DLGAP2: variants seen among roughly 807,000 people sequenced by gnomAD.
DLGAP2 encodes DLG associated protein 2.
In DLGAP2, 26 loss-of-function variants were observed where a neutral mutation model predicts 100.3. That is an observed-to-expected ratio of 0.26 (90% confidence interval 0.19 to 0.36). The LOEUF is 0.36. Ranked by LOEUF, DLGAP2 falls within the 10% of genes least tolerant of loss-of-function variation. The probability of loss-of-function intolerance (pLI) is 1.00; values close to 1 mark genes in which losing one functional copy is unlikely to be tolerated. For missense variants in DLGAP2, 1,858 were observed against 1,453.2 expected (o/e 1.28, Z -4.53); for synonymous variants, 886 against 630.1 (o/e 1.41, Z -6.08).
intron 3 of DLGAP2, among the ~76,000 whole-genome samples, chr8:1,323,200 T>C (rs1403924883): frequency 6.6e-6 from 1 of 151,990 alleles, no homozygotes; most frequent in Non-Finnish European, 1.5e-5. Context: ...CGGCTTACTT[T>C]TTGTATTTTA....
intron 3 of DLGAP2, among the ~76,000 whole-genome samples, chr8:1,289,090 C>T (rs1344283380): frequency 1.3e-5 from 2 of 152,172 alleles, no homozygotes; most frequent in Non-Finnish European, 2.9e-5. Flanking sequence ...ACTGGCAATG[C>T]TGATGTACTC....
intron 6 of DLGAP2, among the ~76,000 whole-genome samples, chr8:1,623,575 C>G (rs1357744383): frequency 1.3e-5 from 2 of 151,612 alleles, no homozygotes; most frequent in Non-Finnish European, 2.9e-5. Flanking sequence ...TGCGTGATGA[C>G]CTGACACCAG....
In DLGAP2 at chr8:1,439,662, A is replaced by G. The variant is rs371205112; in HGVS notation, c.107-61704A>G. Among the ~76,000 whole-genome samples, 14 of 152,294 alleles carry G rather than the reference A, an allele frequency of 9.2e-5. No homozygotes were observed. In the East Asian group the frequency reaches 1.2e-3, roughly 13 times the overall value. ...GAGTGCGCAGAGAGACAGGGTCTCG[A>G]AACTGAAACGGCAACGTGAGCAGTA... On this transcript the variant is annotated intron_variant, in intron 3 of 14. Coordinates refer to ENST00000637795, the MANE Select transcript of DLGAP2 (RefSeq NM_001346810.2).
chr8:1,171,921 T>A (rs1381474403), intron 2 of DLGAP2, among the ~76,000 whole-genome samples: 1 of 152,216 alleles, frequency 6.6e-6, no homozygotes, highest in Non-Finnish European at 1.5e-5. Flanking sequence ...TTTGATCCTG[T>A]CATTATGATG....
At chr8:1,343,754 G>A (rs1343830157) in intron 3 of DLGAP2, among the ~76,000 whole-genome samples, 4 of 152,012 alleles carry the variant, frequency 2.6e-5, no homozygotes, top group African/African-American at 4.8e-5. Context: ...TGGAACGGAG[G>A]CCTCTCCAAG....
At chr8:856,424 G>T (rs184503657) in intron 1 of DLGAP2, among the ~76,000 whole-genome samples, 1 of 152,070 alleles carries the variant, frequency 6.6e-6, no homozygotes, top group Non-Finnish European at 1.5e-5. Flanking sequence ...CTGACCTGAG[G>T]TGATCTGCCC....
Position 1,626,732 on chromosome 8 carries a change from T to A in DLGAP2, c.1443-8T>A, listed in dbSNP as rs913189579. 1.4e-5 allele frequency: 23 copies of A among 1,593,078 alleles called. No homozygotes were observed. The highest frequency in any genetic ancestry group is 1.7e-5 in the Non-Finnish European group (20 of 1,170,096). ...AGAATGCCTTTTCTCCTTTCTTCTT[T>A]CCTGTAGCCAGACCTACCTGCAAGC... is the stretch of plus-strand genomic sequence containing the variant. On this transcript the variant is annotated splice_polypyrimidine_tract_variant and splice_region_variant and intron_variant, in intron 6 of 14. Coordinates refer to ENST00000637795, the MANE Select transcript of DLGAP2 (RefSeq NM_001346810.2).
At chr8:1,188,551 C>T (rs925776842) in intron 2 of DLGAP2, among the ~76,000 whole-genome samples, 14 of 151,382 alleles carry the variant, frequency 9.2e-5, no homozygotes, top group African/African-American at 3.2e-4. Flanking sequence ...ATCTCAGACG[C>T]CCGGGATCTC....
intron 3 of DLGAP2, among the ~76,000 whole-genome samples, chr8:1,387,607 T>G (rs1585324704): frequency 6.6e-6 from 1 of 152,200 alleles, no homozygotes; most frequent in Non-Finnish European, 1.5e-5. Context: ...TTCGTGTATG[T>G]TCTACCCCAC....
intron 5 of DLGAP2, among the ~76,000 whole-genome samples, chr8:1,560,313 G>A (rs1468748054): frequency 6.6e-6 from 1 of 152,054 alleles, no homozygotes; most frequent in African/African-American, 2.4e-5. Context: ...TGCACATTCT[G>A]GAATAGTATT....
intron 4 of DLGAP2, among the ~76,000 whole-genome samples, chr8:1,541,255 C>T (rs554156124): frequency 1.3e-5 from 2 of 152,260 alleles, no homozygotes; most frequent in South Asian, 2.1e-4. Flanking sequence ...TTATTCATTC[C>T]ATTATCAAAC....
intron 2 of DLGAP2, among the ~76,000 whole-genome samples, chr8:1,006,922 T>G (rs1434968655): frequency 1.3e-5 from 2 of 150,216 alleles, no homozygotes; most frequent in African/African-American, 4.9e-5. Context: ...GCGCCCTGCG[T>G]CTCAAGTCTC....
intron 4 of DLGAP2, among the ~76,000 whole-genome samples, chr8:1,511,286 C>A (rs1800151571): frequency 6.6e-6 from 1 of 151,078 alleles, no homozygotes; most frequent in African/African-American, 2.4e-5. Context: ...CAGTAGATGA[C>A]CATCTACCAT....
At chr8:1,577,467 C>G (rs1330917368) in intron 6 of DLGAP2, among the ~76,000 whole-genome samples, 1 of 149,564 alleles carries the variant, frequency 6.7e-6, no homozygotes, top group African/African-American at 2.5e-5. Flanking sequence ...ACTCGAGAGG[C>G]TGAGGCAGGA....
At chr8:1,309,602 A>T (rs1466530627) in intron 3 of DLGAP2, among the ~76,000 whole-genome samples, 1 of 152,242 alleles carries the variant, frequency 6.6e-6, no homozygotes, top group Non-Finnish European at 1.5e-5. Context: ...GCAGATTGAC[A>T]TAAAAGGACA....
chr8:920,163 C>T (rs1798677693), intron 2 of DLGAP2, among the ~76,000 whole-genome samples: 2 of 152,208 alleles, frequency 1.3e-5, no homozygotes, highest in African/African-American at 4.8e-5. Context: ...CAGGCTGTGA[C>T]CACGCATGTC....
chr8:823,425 G>T (rs1468311417), intron 1 of DLGAP2, among the ~76,000 whole-genome samples: 2 of 152,042 alleles, frequency 1.3e-5, no homozygotes, highest in African/African-American at 2.4e-5. Flanking sequence ...ACTAGCAAGG[G>T]GCAATTGCTT....
chr8:1,442,157 G>C (rs966235554), intron 3 of DLGAP2, among the ~76,000 whole-genome samples: 15 of 152,132 alleles, frequency 9.9e-5, no homozygotes, highest in Non-Finnish European at 1.9e-4. Context: ...TGTGGGTTCA[G>C]CCACTGGAGG....
intron 8 of DLGAP2, among the ~76,000 whole-genome samples, chr8:1,652,943 G>A (rs981249779): frequency 1.3e-4 from 20 of 152,264 alleles, no homozygotes; most frequent in African/African-American, 2.2e-4. Context: ...CAGCCTCTCC[G>A]GTCCATATGC....
Sources: allele counts gnomAD v4.1 joint callset (sites outside exome capture counted in the v4.1 genomes callset), GRCh38; gene constraint gnomAD v4.1.1; transcripts MANE v1.5; gene names NCBI Gene and HGNC (gene_info 2026-07-23, HGNC 2026-07-21).